UGGT2: variants seen among roughly 807,000 people sequenced by gnomAD.
UGGT2 encodes the protein UDP-glucose:glycoprotein glucosyltransferase 2.
Under a neutral mutation model 192.1 loss-of-function variants are expected in UGGT2, and 180 were observed. The observed-to-expected ratio is 0.94, with a 90% CI of 0.83 to 1.06. UGGT2 has a LOEUF of 1.06. Among genes scored for constraint, UGGT2 ranks in the 50% least tolerant of loss-of-function variants. The pLI is 0.00. For missense variants in UGGT2, 1,849 were observed against 1,795.7 expected (o/e 1.03, Z -0.54); for synonymous variants, 580 against 591.0 (o/e 0.98, Z 0.27).
At chr13:95,837,905 A>G (rs1315806295) in intron 36 of UGGT2, among the ~76,000 whole-genome samples, 1 of 129,704 alleles carries the variant, frequency 7.7e-6, no homozygotes, top group Non-Finnish European at 1.8e-5. Flanking sequence ...AAGATTCACA[A>G]TTTTAAGGTT....
At chr13:96,002,619 G>C (rs1471750812) in intron 5 of UGGT2, among the ~76,000 whole-genome samples, 1 of 152,124 alleles carries the variant, frequency 6.6e-6, no homozygotes, top group Non-Finnish European at 1.5e-5. Flanking sequence ...TCTTTATGTA[G>C]ATTATGCAAA....
chr13:95,868,845 T>C (rs1487658875), intron 29 of UGGT2, among the ~76,000 whole-genome samples: 3 of 151,986 alleles, frequency 2.0e-5, no homozygotes, highest in Non-Finnish European at 4.4e-5. Flanking sequence ...GTAGCAGAGG[T>C]AGTAATGGTG....
At chr13:95,820,815 T>C (rs1337753761) in intron 38 of UGGT2, among the ~76,000 whole-genome samples, 1 of 152,094 alleles carries the variant, frequency 6.6e-6, no homozygotes, top group African/African-American at 2.4e-5. Context: ...CTTTGTGTCC[T>C]CACAGTTTAG....
chr13:95,821,110 C>T (rs756751495), intron 38 of UGGT2, among the ~76,000 whole-genome samples: 1 of 152,000 alleles, frequency 6.6e-6, no homozygotes, highest in Non-Finnish European at 1.5e-5. Context: ...TACCTAGCAG[C>T]GGGATTTCTG....
At chr13:96,034,826 C>T (rs915127317) in intron 1 of UGGT2, among the ~76,000 whole-genome samples, 1 of 152,230 alleles carries the variant, frequency 6.6e-6, no homozygotes, top group African/African-American at 2.4e-5. Context: ...AGTGGCCGGA[C>T]CCTGTGCTTG....
chr13:96,002,119 T>C (rs2051826318), intron 5 of UGGT2, among the ~76,000 whole-genome samples: 1 of 152,190 alleles, frequency 6.6e-6, no homozygotes, highest in South Asian at 2.1e-4. Context: ...TATCTCTAAC[T>C]CACACATGCT....
intron 38 of UGGT2, among the ~76,000 whole-genome samples, chr13:95,816,447 T>C (rs1214850417): frequency 6.6e-6 from 1 of 152,100 alleles, no homozygotes; most frequent in Non-Finnish European, 1.5e-5. Flanking sequence ...TGAAAACATA[T>C]GGTCCAGACT....
intron 1 of UGGT2, among the ~76,000 whole-genome samples, chr13:96,040,627 GTTTA>G (rs2053137143): frequency 6.6e-6 from 1 of 152,122 alleles, no homozygotes; most frequent in African/African-American, 2.4e-5. Flanking sequence ...ATTAAGTTGG[GTTTA>G]TTAAGTATTA....
chr13:95,870,860 T>C (rs970343456), intron 29 of UGGT2, among the ~76,000 whole-genome samples: 2 of 152,226 alleles, frequency 1.3e-5, no homozygotes, highest in African/African-American at 2.4e-5. Context: ...GGCTCCACCC[T>C]CATTGAGTGG....
At chr13:95,832,149 GA>G (rs1886776665) in intron 38 of UGGT2, among the ~76,000 whole-genome samples, 1 of 151,560 alleles carries the variant, frequency 6.6e-6, no homozygotes, top group Admixed American at 6.6e-5. Context: ...TGAGGAAAAT[GA>G]GAACTGTATT....
At chr13:95,978,979 C>T (rs898849638) in intron 10 of UGGT2, among the ~76,000 whole-genome samples, 1 of 152,090 alleles carries the variant, frequency 6.6e-6, no homozygotes, top group Non-Finnish European at 1.5e-5. Flanking sequence ...ATTTGAATAT[C>T]TGCATTTTAG....
chr13:95,805,164 T>C (rs1019781659), intron 38 of UGGT2, among the ~76,000 whole-genome samples: 1 of 151,900 alleles, frequency 6.6e-6, no homozygotes, highest in Non-Finnish European at 1.5e-5. Flanking sequence ...GATATACAAA[T>C]AGTCAGCAAA....
chr13:95,943,954 T>C (rs2049778696), intron 15 of UGGT2, among the ~76,000 whole-genome samples: 1 of 152,042 alleles, frequency 6.6e-6, no homozygotes, highest in Admixed American at 6.6e-5. Context: ...ATTTTGTTTC[T>C]TTATGAGTTT....
intron 30 of UGGT2, among the ~76,000 whole-genome samples, chr13:95,866,031 G>C (rs932877555): frequency 6.6e-6 from 1 of 151,592 alleles, no homozygotes; most frequent in African/African-American, 2.4e-5. Flanking sequence ...TTTCACACTA[G>C]CGTGTGTGTG....
rs543830448 is a variant in UGGT2 at position 95,880,701 on chromosome 13, G to A, written c.3229-2845C>T. ...GTTCTGAGTATTGTAATAAAATCTCGCATGACAGTGCTTGTGTTCAAGGAA... is the reference window on the plus strand; with the variant it reads ...GTTCTGAGTATTGTAATAAAATCTCACATGACAGTGCTTGTGTTCAAGGAA... On this transcript the variant is annotated intron_variant, in intron 27 of 38. Coordinates refer to ENST00000376747, the MANE Select transcript of UGGT2 (RefSeq NM_020121.4). Among the ~76,000 whole-genome samples the A allele has an allele frequency of 6.6e-5, 10 of 152,230 alleles. No individual in the cohort carries two copies. In the East Asian group the frequency reaches 9.6e-4, roughly 15 times the overall value.
chr13:95,877,979 T>G, intron 27 of UGGT2, 123 bp from the exon 28 acceptor site: 1 of 953,836 alleles, frequency 1.0e-6, no homozygotes, highest in Middle Eastern at 3.4e-4. Flanking sequence ...CTTTAAGTCT[T>G]TATTTTACAC....
chr13:95,906,250 T>G (rs2048287583), intron 20 of UGGT2, among the ~76,000 whole-genome samples: 1 of 152,198 alleles, frequency 6.6e-6, no homozygotes, highest in Non-Finnish European at 1.5e-5. Context: ...AAACTGCATT[T>G]CTCGTTTGTT....
At chr13:95,834,923 G>A (rs1457963728) in intron 37 of UGGT2, among the ~76,000 whole-genome samples, 1 of 152,000 alleles carries the variant, frequency 6.6e-6, no homozygotes, top group Admixed American at 6.6e-5. Flanking sequence ...TAATTTGTGG[G>A]TTTTTTCACT....
At chr13:95,883,947 TCATACCGGGGGTGATGAGAAG>T (rs2047566458) in intron 27 of UGGT2, among the ~76,000 whole-genome samples, 1 of 151,296 alleles carries the variant, frequency 6.6e-6, no homozygotes, top group Admixed American at 6.6e-5. Context: ...TAGACAAGGG[TCATACCGGGGGTGATGAGAAG>T]CAGGTATACC....
Sources: gnomAD v4.1 joint callset for allele counts (sites outside exome capture counted in the v4.1 genomes callset) on GRCh38, gnomAD v4.1.1 for gene constraint, MANE v1.5 for transcripts, NCBI Gene and HGNC (gene_info 2026-07-23, HGNC 2026-07-21) for gene names.